Variants in USP30 observed in about 807,000 individuals in gnomAD.
USP30 encodes ubiquitin carboxyl-terminal hydrolase 30.
Under a neutral mutation model 68.2 loss-of-function variants are expected in USP30, and 41 were observed. The observed-to-expected ratio is 0.60, with a 90% CI of 0.47 to 0.78. The LOEUF is 0.78. USP30 is among the 30% of genes least tolerant of loss of function. The pLI, the probability that USP30 is intolerant of heterozygous loss-of-function variation, is 0.00. For synonymous variants in USP30, 229 were observed against 253.7 expected (o/e 0.90, Z 0.93); for missense variants, 522 against 649.4 (o/e 0.80, Z 2.13).
intron 3 of USP30, among the ~76,000 whole-genome samples, chr12:109,029,908 T>G (rs2040469073): frequency 6.6e-6 from 1 of 152,158 alleles, no homozygotes. Context: ...TGTTAAGGCC[T>G]CTGAGAAAGT....
intron 3 of USP30, among the ~76,000 whole-genome samples, chr12:109,062,236 G>T (rs2041092203): frequency 6.7e-6 from 1 of 148,380 alleles, no homozygotes; most frequent in Non-Finnish European, 1.5e-5. Context: ...CACCTGGCCT[G>T]TATATTGTTT....
Position 109,073,464 on chromosome 12 carries a change from T to C in USP30, c.652T>C (p.Trp218Arg), listed in dbSNP as rs1203712765. The C allele has an allele frequency of 6.2e-7, 1 of 1,614,136 alleles. No individual in the cohort carries two copies. The highest frequency in any genetic ancestry group is 1.1e-5 in the South Asian group (1 of 91,078). The change falls in exon 7 of 13, where the codon TGG (tryptophan) becomes CGG (arginine). Residue 218 changes from tryptophan to arginine, a missense_variant. Trp to Arg is a moderately radical substitution (Grantham distance 101). Transcript: ENST00000257548. The stretch of plus-strand genomic sequence containing the variant: ...GTCACCTCACCCTACATCCAATCAC[T>C]GGAAGTCTCAACATCCTTTTCATGG... ...RGSPHPTSNH[W>R]KSQHPFHGRL... is the part of the protein sequence containing the mutation.
chr12:109,052,669 T>C lies in USP30; in HGVS notation c.-10T>C. 2 of 1,503,356 alleles carry C rather than the reference T, an allele frequency of 1.3e-6. No individual in the cohort carries two copies. Among genetic ancestry groups the C allele is most frequent in the Non-Finnish European group, 8.8e-7 (1 of 1,132,102 alleles). The allele number at this position is 1,503,356 out of a possible 1,614,324, so 93.1% of individuals were successfully genotyped here. On this transcript the variant is annotated 5_prime_UTR_variant, in exon 1 of 13. Transcript: ENST00000257548. ...GGAGGAGACGGTTTCAGGCCTCCGG[T>C]GCGGCTGCAATGCTGAGCTCCCGGG...
Position 109,084,969 on chromosome 12 carries a change from G to T in USP30, c.1185G>T (p.Gly395=), listed in dbSNP as rs756923408. ...CTCTTGCAGTTCTGAATCAGCCAGG[G>T]GCCCCCAAAACACAGATTTTTATGA... ...GAPTPVLNQP[G]APKTQIFMNG... The change falls in exon 12 of 13, where the codon GGG becomes GGT. Residue 395 remains glycine (G), a synonymous_variant. Coordinates refer to ENST00000257548, the MANE Select transcript of USP30 (RefSeq NM_032663.5). 6.3e-7 allele frequency: 1 copy of T among 1,598,732 alleles called. No individual in the cohort carries two copies. The highest frequency in any genetic ancestry group is 8.5e-7 in the Non-Finnish European group (1 of 1,171,128).
At chr12:109,054,462 G>T (rs1159768393) in intron 1 of USP30, among the ~76,000 whole-genome samples, 1 of 151,810 alleles carries the variant, frequency 6.6e-6, no homozygotes, top group Admixed American at 6.6e-5. Context: ...TGAAGATTGT[G>T]TTGAGCTGAG....
At chr12:109,068,215 GT>G (rs1332743337) in intron 4 of USP30, among the ~76,000 whole-genome samples, 1 of 152,150 alleles carries the variant, frequency 6.6e-6, no homozygotes, top group African/African-American at 2.4e-5. Flanking sequence ...AGAGAATGAA[GT>G]TCTAGAGATG....
chr12:109,082,861 A>G lies in USP30; in HGVS notation c.967A>G (p.Ile323Val). ...CCCGCAGCTCCCTCAGTGTCTCTGC[A>G]TCCACCTACAGCGGCTGAGCTGGTC... is the stretch of plus-strand genomic sequence containing the variant. ...KLGKLPQCLCIHLQRLSWSSH... is the reference protein window; with the variant it reads ...KLGKLPQCLCVHLQRLSWSSH... Residue 323 changes from isoleucine to valine, a missense_variant, in exon 11 of 13, where the codon ATC (isoleucine) becomes GTC (valine). Physicochemically the swap from Ile to Val is conservative, Grantham distance 29 (BLOSUM62 3). Transcript: ENST00000257548. The G allele has an allele frequency of 1.2e-6, 2 of 1,614,042 alleles. No individual in the cohort carries two copies. Among genetic ancestry groups the G allele is most frequent in the East Asian group, 4.5e-5 (2 of 44,882 alleles).
At chr12:109,028,266 T>C (rs1209827630) in intron 3 of USP30, among the ~76,000 whole-genome samples, 2 of 152,180 alleles carry the variant, frequency 1.3e-5, no homozygotes, top group Non-Finnish European at 2.9e-5. Context: ...GCCATTTTTG[T>C]ATTGCTGTAA....
At chr12:109,051,556 C>T (rs1202950629), upstream of USP30, among the ~76,000 whole-genome samples, 4 of 113,828 alleles carry the variant, frequency 3.5e-5, no homozygotes, top group Admixed American at 9.8e-5. Context: ...CAAGTATGAG[C>T]CATCGCACCT....
rs116524823 is a variant in USP30 at position 109,053,727 on chromosome 12, G to C, written c.83+966G>C. The C allele has an allele frequency of 5.1e-3, 1,237 of 240,242 alleles. 17 individuals are homozygous for C. The highest frequency in any genetic ancestry group is 0.027 in the South Asian group (579 of 21,066). 14.9% of individuals were successfully genotyped at this position (240,242 alleles called of 1,614,324 possible). ...GAGGAGAAGCCAGATCTTTTCATCC[G>C]CAGGCCCCACCACTCTCCTCGTGAT... On this transcript the variant is annotated intron_variant, in intron 1 of 12. Coordinates refer to ENST00000257548, the MANE Select transcript of USP30 (RefSeq NM_032663.5).
intron 11 of USP30, among the ~76,000 whole-genome samples, chr12:109,084,714 C>T (rs193123175): frequency 3.0e-4 from 45 of 152,302 alleles, no homozygotes; most frequent in Non-Finnish European, 1.8e-4. Flanking sequence ...CTCAAAGATC[C>T]CAGGCTAGCC....
chr12:109,079,299 C>T (rs1205702477), intron 7 of USP30, among the ~76,000 whole-genome samples: 5 of 143,190 alleles, frequency 3.5e-5, no homozygotes, highest in Non-Finnish European at 7.6e-5. Context: ...CTTATCTTCA[C>T]GTTCACTGAT....
upstream of USP30, among the ~76,000 whole-genome samples, chr12:109,048,538 G>A (rs150963390): frequency 3.4e-3 from 520 of 151,944 alleles, 4 homozygotes; most frequent in African/African-American, 0.012. Context: ...TCAGGAGTTC[G>A]AGACCAGCCT....
intron 3 of USP30, among the ~76,000 whole-genome samples, chr12:109,034,700 C>G (rs1593221190): frequency 6.6e-6 from 1 of 152,194 alleles, no homozygotes; most frequent in East Asian, 1.9e-4. Context: ...TTGTTCTATC[C>G]ATTATTGAAA....
intron 3 of USP30, among the ~76,000 whole-genome samples, chr12:109,032,658 G>A (rs954203026): frequency 6.6e-6 from 1 of 152,206 alleles, no homozygotes; most frequent in Non-Finnish European, 1.5e-5. Flanking sequence ...GTTGTGGAGG[G>A]GGAAATGGAG....
chr12:109,069,667 G>A (rs999230310), intron 4 of USP30, among the ~76,000 whole-genome samples: 3 of 152,340 alleles, frequency 2.0e-5, no homozygotes, highest in Middle Eastern at 3.4e-3. Flanking sequence ...GGGGGATGAG[G>A]ATAGCAGGCA....
At chr12:109,036,294 TA>T (rs1424308251) in intron 3 of USP30, among the ~76,000 whole-genome samples, 5 of 147,508 alleles carry the variant, frequency 3.4e-5, no homozygotes, top group Non-Finnish European at 7.5e-5. Flanking sequence ...TTCCTTTTAG[TA>T]TTTCTTTCTT....
chr12:109,023,932 G>C (rs939890325), intron 1 of USP30, among the ~76,000 whole-genome samples: 4 of 151,814 alleles, frequency 2.6e-5, no homozygotes, highest in African/African-American at 9.7e-5. Context: ...ACCGCGACTG[G>C]CCAATCAGTA....
At chr12:109,046,776 C>T (rs1225269784) in intron 3 of USP30, among the ~76,000 whole-genome samples, 1 of 151,938 alleles carries the variant, frequency 6.6e-6, no homozygotes, top group East Asian at 1.9e-4. Flanking sequence ...GGCTCACTGC[C>T]ACCTCCACCT....
Sources: allele counts gnomAD v4.1 joint callset (sites outside exome capture counted in the v4.1 genomes callset), GRCh38; gene constraint gnomAD v4.1.1; transcripts MANE v1.5; gene names NCBI Gene and HGNC (gene_info 2026-07-23, HGNC 2026-07-21).